The following PRKCQ variants were observed in gnomAD, a reference collection of about 807,000 sequenced individuals.
PRKCQ encodes the protein protein kinase C theta.
PRKCQ carries 41 observed loss-of-function variants against 91.2 expected under a neutral mutation model. The observed-to-expected ratio is 0.45, with a 90% CI of 0.35 to 0.58. PRKCQ has a LOEUF of 0.58. Ranked by LOEUF, PRKCQ falls within the 20% of genes least tolerant of loss-of-function variation. The pLI is 0.00. For synonymous variants in PRKCQ, 307 were observed against 316.9 expected, an observed-to-expected ratio of 0.97 and a Z score of 0.33; for missense variants, 673 against 896.5, an observed-to-expected ratio of 0.75 and a Z score of 3.18.
rs1686812292 is a variant in PRKCQ, at chr10:6,465,301, C to T, written c.1354-897G>A. 6.6e-6 allele frequency among the ~76,000 whole-genome samples: 1 copy of T among 152,098 alleles called. No individual in the cohort carries two copies. Among genetic ancestry groups the T allele is most frequent in the African/African-American group, 2.4e-5 (1 of 41,406 alleles). On this transcript the variant is annotated intron_variant, in intron 12 of 17. Coordinates refer to ENST00000263125, the MANE Select transcript of PRKCQ (RefSeq NM_006257.5). The surrounding 1 kb of genome is among the most constrained non-coding windows in gnomAD (Gnocchi z 4.4). ...TGACTTAACTCATGGCAGAGGCAAG[C>T]CACAGTTTATGACGGAGTTCTTCTG...
intron 16 of PRKCQ, among the ~76,000 whole-genome samples, chr10:6,441,664 C>T (rs189132370): frequency 3.9e-5 from 6 of 152,080 alleles, no homozygotes; most frequent in East Asian, 3.9e-4. Context: ...GTTCCTGGGC[C>T]GTTATGTTAT....
intron 2 of PRKCQ, 143 bp downstream of exon 2, chr10:6,514,875 G>T: frequency 7.2e-7 from 1 of 1,380,572 alleles, no homozygotes; most frequent in Non-Finnish European, 1.0e-6. Flanking sequence ...GAAGTCCTTG[G>T]CTTTGCTGGG....
At chr10:6,481,658 G>A (rs1461065096) in intron 11 of PRKCQ, among the ~76,000 whole-genome samples, 1 of 152,204 alleles carries the variant, frequency 6.6e-6, no homozygotes, top group Non-Finnish European at 1.5e-5. Flanking sequence ...CAGCTGTGGT[G>A]ACCGCTCAGT....
chr10:6,551,789 G>A (rs1026356028), intron 1 of PRKCQ, among the ~76,000 whole-genome samples: 4 of 152,212 alleles, frequency 2.6e-5, no homozygotes, highest in Non-Finnish European at 5.9e-5. Flanking sequence ...ACACACGTGC[G>A]TGTGTCTTTA....
Position 6,576,678 on chromosome 10 carries a change from A to G in PRKCQ, c.-10+3533T>C, listed in dbSNP as rs570914292. 6.6e-6 allele frequency among the ~76,000 whole-genome samples: 1 copy of G among 152,384 alleles called. No homozygotes were observed. The highest frequency in any genetic ancestry group is 2.1e-4 in the South Asian group (1 of 4,828). On this transcript the variant is annotated intron_variant, in intron 1 of 17. Transcript: ENST00000263125. The surrounding 1 kb of genome is among the most constrained non-coding windows in gnomAD (Gnocchi z 4.2). The stretch of plus-strand genomic sequence containing the variant: ...ACTTAATGTCACTGAACTGTACGCT[A>G]GAAAATAGTTAAGAAGTTAAATTTT...
At chr10:6,521,973 C>T (rs189866648) in intron 1 of PRKCQ, among the ~76,000 whole-genome samples, 13 of 147,730 alleles carry the variant, frequency 8.8e-5, no homozygotes, top group African/African-American at 3.3e-4. Flanking sequence ...GACGGAGTCT[C>T]GCCCTGTTGC....
chr10:6,461,870 T>C (rs1835369766), intron 14 of PRKCQ, among the ~76,000 whole-genome samples: 1 of 152,082 alleles, frequency 6.6e-6, no homozygotes, highest in Non-Finnish European at 1.5e-5. Context: ...ATCTAAGAGC[T>C]TGGACAGAAG....
chr10:6,452,155 A>G (rs150331123), intron 15 of PRKCQ, among the ~76,000 whole-genome samples: 13,518 of 152,244 alleles, frequency 0.089, 663 homozygotes, highest in Middle Eastern at 0.18. Context: ...TGCAGATGAC[A>G]TGATTGTATA....
chr10:6,408,062 TTTTTTTTTTTTTACA>T, the PRKCQ span, among the ~76,000 whole-genome samples: 1 of 149,008 alleles, frequency 6.7e-6, no homozygotes, highest in African/African-American at 2.5e-5. Context: ...TTTTTTTTTT[TTTTTTTTTTTTTACA>T]TTTTTTGGAA....
chr10:6,467,385 CAGACAGAGAGAG>C (rs1564324320), intron 12 of PRKCQ, among the ~76,000 whole-genome samples: 571 of 39,382 alleles, frequency 0.014, 12 homozygotes, highest in East Asian at 0.034. Flanking sequence ...CAGAGAGAGA[CAGACAGAGAGAG>C]AGAGAGAGAG....
chr10:6,404,828 CTTCT>C, the PRKCQ span, among the ~76,000 whole-genome samples: 2,605 of 127,342 alleles, frequency 0.02, 52 homozygotes, highest in African/African-American at 0.043. Flanking sequence ...TCTTTCTTTC[CTTCT>C]TTCTTTCTTT....
At chr10:6,495,904 A>C (rs898236704) in intron 7 of PRKCQ, among the ~76,000 whole-genome samples, 3 of 152,168 alleles carry the variant, frequency 2.0e-5, no homozygotes, top group African/African-American at 7.2e-5. Context: ...CCACCAGGTA[A>C]TATAGGCATA....
the PRKCQ span, among the ~76,000 whole-genome samples, chr10:6,396,154 C>T: frequency 6.6e-6 from 1 of 152,038 alleles, no homozygotes; most frequent in African/African-American, 2.4e-5. Context: ...AAAAAGTCAC[C>T]CCTAAGTACT....
intron 8 of PRKCQ, among the ~76,000 whole-genome samples, chr10:6,486,767 G>C (rs1836944938): frequency 6.6e-6 from 1 of 152,232 alleles, no homozygotes; most frequent in Non-Finnish European, 1.5e-5. Flanking sequence ...GCCCACTCCA[G>C]TCTGGGTCCA....
chr10:6,477,735 G>A (rs1388576811), intron 12 of PRKCQ, among the ~76,000 whole-genome samples: 1 of 152,172 alleles, frequency 6.6e-6, no homozygotes, highest in Non-Finnish European at 1.5e-5. Context: ...GAGTGTGGTG[G>A]TGCACACCTG....
chr10:6,450,275 G>T (rs1254395512), intron 15 of PRKCQ, among the ~76,000 whole-genome samples: 26 of 149,522 alleles, frequency 1.7e-4, no homozygotes, highest in African/African-American at 5.4e-4. Flanking sequence ...AAAGGCAGGG[G>T]TTGCAATCCT....
chr10:6,476,269 A>G (rs553440574), intron 12 of PRKCQ, among the ~76,000 whole-genome samples: 1 of 151,458 alleles, frequency 6.6e-6, no homozygotes, highest in Admixed American at 6.6e-5. Flanking sequence ...TGGGATTCCC[A>G]ATAGCCTTCC....
chr10:6,452,243 T>C (rs1299051851), intron 15 of PRKCQ, among the ~76,000 whole-genome samples: 1 of 152,148 alleles, frequency 6.6e-6, no homozygotes, highest in Non-Finnish European at 1.5e-5. Flanking sequence ...GCATACAAAA[T>C]CAATGTACAA....
At chr10:6,431,621 C>CAGTGATAATTTGTCATTT (rs1833434112) in intron 16 of PRKCQ, among the ~76,000 whole-genome samples, 1 of 152,210 alleles carries the variant, frequency 6.6e-6, no homozygotes, top group Non-Finnish European at 1.5e-5. Context: ...AGCATAGAGT[C>CAGTGATAATTTGTCATTT]AGTGATAATT....
Sources: allele counts gnomAD v4.1 joint callset (sites outside exome capture counted in the v4.1 genomes callset), GRCh38; gene constraint gnomAD v4.1.1; non-coding constraint Gnocchi (gnomAD v3.1); transcripts MANE v1.5; gene names NCBI Gene and HGNC (gene_info 2026-07-23, HGNC 2026-07-21).